Variants in TYMS observed in about 807,000 individuals in gnomAD.
The protein encoded by TYMS is thymidylate synthase.
A neutral mutation model predicts 39.3 loss-of-function variants in TYMS; 21 were observed. The ratio of observed to expected loss-of-function variants is 0.54; its 90% CI spans 0.38 to 0.77. TYMS has a LOEUF of 0.77. TYMS is among the 30% of genes least tolerant of loss of function. The pLI is 0.00. For synonymous variants in TYMS, 171 were observed against 162.2 expected, an observed-to-expected ratio of 1.05 and a Z score of -0.41; for missense variants, 273 against 406.7, an observed-to-expected ratio of 0.67 and a Z score of 2.83.
intron 3 of TYMS, among the ~76,000 whole-genome samples, chr18:666,092 T>A (rs1439460806): frequency 1.2e-4 from 13 of 106,400 alleles, no homozygotes; most frequent in South Asian, 3.0e-4. Context: ...GTCTCGTTGA[T>A]CTGTCTAATG....
Position 669,053 on chromosome 18 carries a change from CTT to C in TYMS, c.455-15_455-14del, listed in dbSNP as rs1184723501. ...TGATTAATGTATGTACCTGTCCTCTCTTTTTGACAATTCTACAGATTATTCAG... is the reference window on the plus strand; with the variant it reads ...TGATTAATGTATGTACCTGTCCTCTCTTTGACAATTCTACAGATTATTCAG... On this transcript the variant is annotated splice_polypyrimidine_tract_variant and intron_variant, in intron 3 of 6. Coordinates refer to ENST00000323274, the MANE Select transcript of TYMS (RefSeq NM_001071.4). 5.0e-6 allele frequency: 8 copies of C among 1,605,224 alleles called. No homozygotes were observed. In the Admixed American group the frequency reaches 1.3e-4, roughly 27 times the overall value.
chr18:660,585 T>A lies in TYMS; in HGVS notation c.279+871T>A, dbSNP rs2074747474. 1.3e-5 allele frequency among the ~76,000 whole-genome samples: 2 copies of A among 152,226 alleles called. No homozygotes were observed. Among genetic ancestry groups the A allele is most frequent in the South Asian group, 4.1e-4 (2 of 4,828 alleles). ...ACATATATTGATCACTAAATGTAGATACCACCTGTGTTCCCATGTTCATAT... is the reference window on the plus strand; with the variant it reads ...ACATATATTGATCACTAAATGTAGAAACCACCTGTGTTCCCATGTTCATAT... On this transcript the variant is annotated intron_variant, in intron 2 of 6. Coordinates refer to ENST00000323274, the MANE Select transcript of TYMS (RefSeq NM_001071.4). This position sits in a 1 kb window ranked among gnomAD's most constrained non-coding sequence, Gnocchi z 4.6.
At position 673,156 on chromosome 18, in the gene TYMS, AT is replaced by A; in HGVS notation, c.*160del. 1.4e-6 allele frequency: 1 copy of A among 728,082 alleles called. No individual in the cohort carries two copies. The highest frequency in any genetic ancestry group is 2.1e-6 in the Non-Finnish European group (1 of 482,270). 45.1% of individuals were successfully genotyped at this position (728,082 alleles called of 1,614,324 possible). A position where few individuals can be genotyped will look rare whatever the true frequency, so the allele number is the denominator to read the frequency against. On this transcript the variant is annotated 3_prime_UTR_variant, in exon 7 of 7. Transcript: ENST00000323274. ...TTTTTAAGGATGTTGCCACTGGCAAATGTAACTGTGCCAGTTCTTTCCATAA... is the reference window on the plus strand; with the variant it reads ...TTTTTAAGGATGTTGCCACTGGCAAAGTAACTGTGCCAGTTCTTTCCATAA...
chr18:669,341 C>A, intron 4 of TYMS, 168 bp downstream of exon 4: 4 of 518,880 alleles, frequency 7.7e-6, no homozygotes, highest in East Asian at 3.0e-5. Context: ...CTTTCACCTT[C>A]AGATCATGAG....
Position 667,023 on chromosome 18 carries a change from AGATGGTGATGGAGATGGT to A in TYMS, c.455-2031_455-2014del, listed in dbSNP as rs2074847026. Reference sequence around the variant, plus strand: ...GAGATGGTGATGGTGATGGAGATGGAGATGGTGATGGAGATGGTGATGGTGATGGAGATGGAGATGGTG... The same window carrying A: ...GAGATGGTGATGGTGATGGAGATGGAGATGGTGATGGAGATGGAGATGGTG... On this transcript the variant is annotated intron_variant, in intron 3 of 6. Transcript: ENST00000323274. Among the ~76,000 whole-genome samples, 2 of 4,116 alleles carry A rather than the reference AGATGGTGATGGAGATGGT, an allele frequency of 4.9e-4. 1 individual carries two copies. Among genetic ancestry groups the A allele is most frequent in the Non-Finnish European group, 1.0e-3 (2 of 1,924 alleles). 2.7% of individuals were successfully genotyped at this position (4,116 alleles called of 152,430 possible). A position where few individuals can be genotyped will look rare whatever the true frequency, so the allele number is the denominator to read the frequency against.
intron 2 of TYMS, among the ~76,000 whole-genome samples, chr18:661,571 G>A (rs1287597235): frequency 6.6e-6 from 1 of 152,226 alleles, no homozygotes; most frequent in Non-Finnish European, 1.5e-5. Flanking sequence ...ACTTGGAGGT[G>A]TTTAGCCTAA....
At chr18:667,280 GGATGGTGATGGA>G (rs1474424237) in intron 3 of TYMS, among the ~76,000 whole-genome samples, 1 of 10,910 alleles carries the variant, frequency 9.2e-5, no homozygotes, top group Admixed American at 6.2e-4. Context: ...GATGGTGATG[GGATGGTGATGGA>G]GATGGTGATG....
In TYMS at chr18:658,608, T is replaced by C; in HGVS notation, c.205+661T>C. On this transcript the variant is annotated intron_variant, in intron 1 of 6. Coordinates refer to ENST00000323274, the MANE Select transcript of TYMS (RefSeq NM_001071.4). This position sits in a 1 kb window ranked among gnomAD's most constrained non-coding sequence, Gnocchi z 4.5. ...CCCCAGGCAAAAAATGTCTCGCGGG[T>C]CATTGGCGCCAGGCTTTCAGGGGAC... The C allele has an allele frequency of 4.1e-6, 1 of 244,844 alleles. No individual in the cohort carries two copies. The highest frequency in any genetic ancestry group is 4.0e-5 in the South Asian group (1 of 25,052). 15.2% of individuals were successfully genotyped at this position (244,844 alleles called of 1,614,324 possible).
Position 657,772 on chromosome 18 carries a change from C to T in TYMS, c.30C>T (p.Arg10=). ...CTGTGGCCGGCTCGGAGCTGCCGCG[C>T]CGGCCCTTGCCCCCCGCCGCACAGG... The part of the protein sequence containing the change: MPVAGSELP[R]RPLPPAAQER... The change falls in exon 1 of 7, where the codon CGC becomes CGT. Residue 10 remains arginine (R), a synonymous_variant. Transcript: ENST00000323274. 7.0e-7 allele frequency: 1 copy of T among 1,438,192 alleles called. No homozygotes were observed. The highest frequency in any genetic ancestry group is 9.1e-7 in the Non-Finnish European group (1 of 1,104,022). The allele number at this position is 1,438,192 out of a possible 1,614,324, so 89.1% of individuals were successfully genotyped here. A position where few individuals can be genotyped will look rare whatever the true frequency, so the allele number is the denominator to read the frequency against.
chr18:658,039 C>T lies in TYMS; in HGVS notation c.205+92C>T. ...GGGAGCTGCCGGGCGCTGCGGACCCCGTTTAGTCCTAACCTCAATCCTGCG... is the reference window on the plus strand; with the variant it reads ...GGGAGCTGCCGGGCGCTGCGGACCCTGTTTAGTCCTAACCTCAATCCTGCG... On this transcript the variant is annotated intron_variant, in intron 1 of 6. Coordinates refer to ENST00000323274, the MANE Select transcript of TYMS (RefSeq NM_001071.4). The surrounding 1 kb of genome is among the most constrained non-coding windows in gnomAD (Gnocchi z 4.5). 2 of 1,551,606 alleles carry T rather than the reference C, an allele frequency of 1.3e-6. No individual in the cohort carries two copies. Among genetic ancestry groups the T allele is most frequent in the Non-Finnish European group, 1.7e-6 (2 of 1,150,688 alleles).
intron 3 of TYMS, among the ~76,000 whole-genome samples, chr18:667,523 T>C (rs868756626): frequency 8.9e-5 from 5 of 55,966 alleles, no homozygotes; most frequent in African/African-American, 1.6e-4. Flanking sequence ...ATGGTGATGG[T>C]GATGGAGATG....
At chr18:661,443 T>C (rs767909282) in intron 2 of TYMS, among the ~76,000 whole-genome samples, 1 of 152,256 alleles carries the variant, frequency 6.6e-6, no homozygotes, top group Non-Finnish European at 1.5e-5. Flanking sequence ...GTATGCCAGG[T>C]AGAAGATACA....
chr18:670,857 C>T lies in TYMS; in HGVS notation c.722C>T (p.Thr241Met), dbSNP rs750248338. 3 of 1,613,974 alleles carry T rather than the reference C, an allele frequency of 1.9e-6. No individual in the cohort carries two copies. The highest frequency in any genetic ancestry group is 1.3e-5 in the African/African-American group (1 of 75,004). Reference protein sequence around the residue: ...ALLTYMIAHITGLKPGDFIHT... With the variant: ...ALLTYMIAHIMGLKPGDFIHT... ...CTCACGTACATGATTGCGCACATCA[C>T]GGGCCTGAAGGTGGGCTGTCTCGGG... is the stretch of plus-strand genomic sequence containing the variant. Residue 241 changes from threonine (T) to methionine (M), a missense_variant, in exon 5 of 7, where the codon ACG (threonine) becomes ATG (methionine). Thr to Met is a moderately conservative substitution (Grantham distance 81). Around this residue, in one of 3 missense-constraint regions of TYMS, gnomAD observed 228 missense variants for 326.1 expected, o/e 0.70. Coordinates refer to ENST00000323274, the MANE Select transcript of TYMS (RefSeq NM_001071.4).
chr18:659,906 C>G (rs1348776416), intron 2 of TYMS, among the ~76,000 whole-genome samples, 192 bp downstream of exon 2: 1 of 152,096 alleles, frequency 6.6e-6, no homozygotes, highest in Non-Finnish European at 1.5e-5. Flanking sequence ...ACCCCAGTCT[C>G]TACTAATAAC....
intron 3 of TYMS, among the ~76,000 whole-genome samples, chr18:662,655 C>T (rs1360781440): frequency 1.3e-5 from 2 of 151,654 alleles, no homozygotes; most frequent in African/African-American, 2.4e-5. Context: ...CCAATGCTAT[C>T]CCTCCCCCCT....
rs72634355 is a variant in TYMS, at chr18:658,332, C to T, written c.205+385C>T. 0.14 allele frequency: 183,159 copies of T among 1,350,480 alleles called. 18,372 individuals are homozygous for T. Among genetic ancestry groups the T allele is most frequent in the East Asian group, 0.57 (12,784 of 22,272 alleles). 83.7% of individuals were successfully genotyped at this position (1,350,480 alleles called of 1,614,324 possible). A position where few individuals can be genotyped will look rare whatever the true frequency, so the allele number is the denominator to read the frequency against. On this transcript the variant is annotated intron_variant, in intron 1 of 6. Transcript: ENST00000323274. The surrounding 1 kb of genome is among the most constrained non-coding windows in gnomAD (Gnocchi z 4.5). ...CCGGTCTCAAAGTCCTGGCTTTGGC[C>T]CCTCCTCCGTTTTCCCCTGTGGACC...
At position 669,097 on chromosome 18, in the gene TYMS, A is replaced by C; in HGVS notation, c.480A>C (p.Gln160His). 6.2e-7 allele frequency: 1 copy of C among 1,614,204 alleles called. No individual in the cohort carries two copies. The highest frequency in any genetic ancestry group is 2.2e-5 in the East Asian group (1 of 44,880). ...ESDYSGQGVD[Q>H]LQRVIDTIKT... ...ATTATTCAGGACAGGGAGTTGACCAACTGCAAAGAGTGATTGACACCATCA... is the reference window on the plus strand; with the variant it reads ...ATTATTCAGGACAGGGAGTTGACCACCTGCAAAGAGTGATTGACACCATCA... Residue 160 changes from glutamine (Q) to histidine (H), a missense_variant, in exon 4 of 7, where the codon CAA becomes CAC. Coordinates refer to ENST00000323274, the MANE Select transcript of TYMS (RefSeq NM_001071.4).
chr18:658,201 G>A lies in TYMS; in HGVS notation c.205+254G>A, dbSNP rs1410319991. ...CGCGTCCCAGCGGCTCCGCGGCCGG[G>A]CTCGCAGTCGCCCCAGTGATGCCGT... On this transcript the variant is annotated intron_variant, in intron 1 of 6. Transcript: ENST00000323274. This position sits in a 1 kb window ranked among gnomAD's most constrained non-coding sequence, Gnocchi z 4.5. The A allele has an allele frequency of 2.6e-6, 4 of 1,529,794 alleles. No individual in the cohort carries two copies. The highest frequency in any genetic ancestry group is 1.9e-5 in the Admixed American group (1 of 51,704). 94.8% of individuals were successfully genotyped at this position (1,529,794 alleles called of 1,614,324 possible). A position where few individuals can be genotyped will look rare whatever the true frequency, so the allele number is the denominator to read the frequency against.
At chr18:668,147 ATGTG>A (rs1260837450) in intron 3 of TYMS, among the ~76,000 whole-genome samples, 3 of 152,000 alleles carry the variant, frequency 2.0e-5, no homozygotes, top group Non-Finnish European at 4.4e-5. Flanking sequence ...GCACTTGTGT[ATGTG>A]TGTATTTGCA....
Sources: gnomAD v4.1 joint callset for allele counts (sites outside exome capture counted in the v4.1 genomes callset) on GRCh38, gnomAD v4.1.1 for gene constraint, gnomAD v4.1.1 regional missense constraint, Gnocchi (gnomAD v3.1) non-coding constraint, MANE v1.5 for transcripts, NCBI Gene and HGNC (gene_info 2026-07-23, HGNC 2026-07-21) for gene names.